Variants in EXOC4 observed in about 807,000 individuals in gnomAD.
EXOC4 encodes the protein SEC8-like 1.
Under a neutral mutation model 107.2 loss-of-function variants are expected in EXOC4, and 71 were observed. The observed-to-expected ratio is 0.66, with a 90% CI of 0.55 to 0.81. The LOEUF (loss-of-function observed/expected upper bound fraction) is 0.81. Among genes scored for constraint, EXOC4 ranks in the 30% least tolerant of loss-of-function variants. The probability of loss-of-function intolerance (pLI) is 0.00; values close to 1 mark genes in which losing one functional copy is unlikely to be tolerated. For synonymous variants in EXOC4, 456 were observed against 441.2 expected, an observed-to-expected ratio of 1.03 and a Z score of -0.42; for missense variants, 1,108 against 1,189.6, an observed-to-expected ratio of 0.93 and a Z score of 1.01.
chr7:133,279,046 A>T (rs1372647579), intron 2 of EXOC4, among the ~76,000 whole-genome samples: 2 of 149,216 alleles, frequency 1.3e-5, no homozygotes. Context: ...TTCAATTCCC[A>T]CCTATGAGTG....
At chr7:133,764,299 T>C (rs1264921165) in intron 10 of EXOC4, among the ~76,000 whole-genome samples, 1 of 152,098 alleles carries the variant, frequency 6.6e-6, no homozygotes, top group African/African-American at 2.4e-5. Flanking sequence ...CACAGTCTAA[T>C]AATTTTTCTG....
chr7:133,606,523 T>A lies in EXOC4; in HGVS notation c.1418-23522T>A, dbSNP rs531448175. On this transcript the variant is annotated intron_variant, in intron 9 of 17. Transcript: ENST00000253861. ...TATTATTATTATTATTATTATTTTT[T>A]TTTTTTTTTGAGGTGGAGTCTCACT... Among the ~76,000 whole-genome samples, 1,141 of 142,420 alleles carry A rather than the reference T, an allele frequency of 8.0e-3. 3 individuals are homozygous for A. The highest frequency in any genetic ancestry group is 0.025 in the Middle Eastern group (7 of 280). 93.4% of individuals were successfully genotyped at this position (142,420 alleles called of 152,430 possible).
At chr7:134,055,318 G>C (rs1030802409) in intron 17 of EXOC4, among the ~76,000 whole-genome samples, 3 of 152,144 alleles carry the variant, frequency 2.0e-5, no homozygotes, top group Non-Finnish European at 2.9e-5. Context: ...ACTCCCAGAG[G>C]CTGTAGTGGG....
At chr7:133,417,374 A>G (rs1486623010) in intron 7 of EXOC4, among the ~76,000 whole-genome samples, 1 of 152,194 alleles carries the variant, frequency 6.6e-6, no homozygotes, top group African/African-American at 2.4e-5. Flanking sequence ...GAGAGAGGCT[A>G]GGATGTGAAG....
At chr7:133,506,389 C>T (rs1799665992) in intron 9 of EXOC4, among the ~76,000 whole-genome samples, 1 of 152,072 alleles carries the variant, frequency 6.6e-6, no homozygotes, top group South Asian at 2.1e-4. Flanking sequence ...TTCCCTAGAA[C>T]AGTTAGAGGT....
chr7:133,974,844 A>G (rs1423318286), intron 14 of EXOC4, among the ~76,000 whole-genome samples: 1 of 152,236 alleles, frequency 6.6e-6, no homozygotes, highest in Admixed American at 6.5e-5. Context: ...GATGGTACTA[A>G]CTGAAATAAA....
intron 11 of EXOC4, among the ~76,000 whole-genome samples, chr7:133,824,774 A>T (rs947147821): frequency 1.3e-5 from 2 of 152,058 alleles, no homozygotes; most frequent in Non-Finnish European, 2.9e-5. Context: ...CTCTGTCTCT[A>T]TCGTAACGTG....
At chr7:133,928,347 C>T (rs1156923472) in intron 13 of EXOC4, among the ~76,000 whole-genome samples, 1 of 152,168 alleles carries the variant, frequency 6.6e-6, no homozygotes, top group African/African-American at 2.4e-5. Flanking sequence ...CGGTGAGACG[C>T]TCTAGTAGCA....
chr7:133,405,662 A>C (rs1797200242), intron 7 of EXOC4, among the ~76,000 whole-genome samples: 1 of 152,118 alleles, frequency 6.6e-6, no homozygotes, highest in Admixed American at 6.5e-5. Flanking sequence ...ATTGTACCAA[A>C]CCTTATATAC....
chr7:133,493,735 C>T (rs2150877891), intron 9 of EXOC4, among the ~76,000 whole-genome samples: 1 of 152,076 alleles, frequency 6.6e-6, no homozygotes, highest in Non-Finnish European at 1.5e-5. Flanking sequence ...CAGAGATTGT[C>T]CCAATCTTGT....
intron 10 of EXOC4, among the ~76,000 whole-genome samples, chr7:133,814,740 CTTAGTATAGT>C (rs1563009924): frequency 6.6e-6 from 1 of 152,098 alleles, no homozygotes; most frequent in East Asian, 1.9e-4. Context: ...AAATTGGTAT[CTTAGTATAGT>C]TTACTTTGCA....
chr7:133,903,660 G>A (rs10271671), intron 12 of EXOC4, among the ~76,000 whole-genome samples: 94,223 of 151,988 alleles, frequency 0.62, 31,628 homozygotes, highest in African/African-American at 0.89. Context: ...GGAGGGAGTT[G>A]GACATATGCA....
the EXOC4 span, among the ~76,000 whole-genome samples, chr7:134,092,901 C>T: frequency 1.9e-4 from 25 of 134,278 alleles, no homozygotes; most frequent in East Asian, 3.8e-3. Context: ...CCAGCCTGGG[C>T]GACAGAGTGA....
intron 9 of EXOC4, among the ~76,000 whole-genome samples, chr7:133,627,833 T>C (rs1311632881): frequency 6.6e-6 from 1 of 152,224 alleles, no homozygotes; most frequent in East Asian, 1.9e-4. Context: ...TATGCCATTG[T>C]ATTTTTTGTT....
intron 5 of EXOC4, among the ~76,000 whole-genome samples, chr7:133,324,538 C>T (rs1258145247): frequency 6.6e-6 from 1 of 152,292 alleles, no homozygotes; most frequent in East Asian, 1.9e-4. Flanking sequence ...GTTTCTTAAT[C>T]CTGAGTTCTA....
chr7:133,728,028 T>C (rs1795252114), intron 10 of EXOC4, among the ~76,000 whole-genome samples: 1 of 152,262 alleles, frequency 6.6e-6, no homozygotes, highest in Non-Finnish European at 1.5e-5. Flanking sequence ...TGGCAGTTTA[T>C]TGCCTTGATA....
chr7:133,953,560 A>C (rs1800743825), intron 14 of EXOC4, among the ~76,000 whole-genome samples: 1 of 152,124 alleles, frequency 6.6e-6, no homozygotes, highest in Non-Finnish European at 1.5e-5. Flanking sequence ...CTAAGGTGGG[A>C]GGAACGCTTG....
At chr7:133,792,582 G>T (rs1414237660) in intron 10 of EXOC4, among the ~76,000 whole-genome samples, 1 of 119,072 alleles carries the variant, frequency 8.4e-6, no homozygotes, top group African/African-American at 3.1e-5. Context: ...AACCTAAAAG[G>T]TACTTTTTAC....
At chr7:133,471,209 C>G (rs1798868288) in intron 7 of EXOC4, among the ~76,000 whole-genome samples, 1 of 152,000 alleles carries the variant, frequency 6.6e-6, no homozygotes, top group Non-Finnish European at 1.5e-5. Flanking sequence ...ATCAGGAGTT[C>G]AAGACCAGCC....
Sources: allele counts gnomAD v4.1 joint callset (sites outside exome capture counted in the v4.1 genomes callset), GRCh38; gene constraint gnomAD v4.1.1; transcripts MANE v1.5; gene names NCBI Gene and HGNC (gene_info 2026-07-23, HGNC 2026-07-21).